ITPKB: variants seen among roughly 807,000 people sequenced by gnomAD.
ITPKB encodes inositol-trisphosphate 3-kinase B.
A neutral mutation model predicts 69.4 loss-of-function variants in ITPKB; 13 were observed. The observed-to-expected ratio is 0.19, with a 90% CI of 0.12 to 0.30. The LOEUF (loss-of-function observed/expected upper bound fraction) is 0.30, where lower values mean the gene tolerates loss of function less well. ITPKB is among the 10% of genes least tolerant of loss of function. ITPKB has a pLI of 1.00. For synonymous variants in ITPKB, 584 were observed against 513.7 expected, an observed-to-expected ratio of 1.14 and a Z score of -1.85; for missense variants, 1,240 against 1,250.5, an observed-to-expected ratio of 0.99 and a Z score of 0.13.
At position 226,637,857 on chromosome 1, in the gene ITPKB, A is replaced by G. The variant is rs966260332; in HGVS notation, c.2554-107T>C. 2.5e-6 allele frequency: 2 copies of G among 802,586 alleles called. No homozygotes were observed. The highest frequency in any genetic ancestry group is 3.4e-5 in the African/African-American group (2 of 58,398). The allele number at this position is 802,586 out of a possible 1,614,324, so 49.7% of individuals were successfully genotyped here. On this transcript the variant is annotated intron_variant, in intron 6 of 7. Coordinates refer to ENST00000429204, the MANE Select transcript of ITPKB (RefSeq NM_002221.4). This position sits in a 1 kb window ranked among gnomAD's most constrained non-coding sequence, Gnocchi z 4.3. ...CCCTCCCGTGAATGTGCTTTACCCTAAACGCCGGACATCTAGAGGCAGCTT... is the reference window on the plus strand; with the variant it reads ...CCCTCCCGTGAATGTGCTTTACCCTGAACGCCGGACATCTAGAGGCAGCTT...
At chr1:226,651,976 G>C (rs1035447305) in intron 2 of ITPKB, among the ~76,000 whole-genome samples, 5 of 152,218 alleles carry the variant, frequency 3.3e-5, no homozygotes, top group Non-Finnish European at 5.9e-5. Context: ...AGGCTGCTCT[G>C]CCTGGATGAG....
intron 2 of ITPKB, among the ~76,000 whole-genome samples, chr1:226,723,812 C>A (rs1202110232): frequency 6.6e-6 from 1 of 152,168 alleles, no homozygotes; most frequent in Non-Finnish European, 1.5e-5. Context: ...CACCTCTTGC[C>A]GGCAGCTGAA....
intron 2 of ITPKB, among the ~76,000 whole-genome samples, chr1:226,679,608 G>A (rs1034577394): frequency 1.3e-5 from 2 of 152,174 alleles, no homozygotes; most frequent in Non-Finnish European, 1.5e-5. Context: ...AAAGAAGAAA[G>A]ACGATAAAAG....
At chr1:226,654,539 C>CA (rs1315177063) in intron 2 of ITPKB, among the ~76,000 whole-genome samples, 1 of 152,222 alleles carries the variant, frequency 6.6e-6, no homozygotes, top group Non-Finnish European at 1.5e-5. Context: ...TCCTCCTGCT[C>CA]AACACACAGA....
intron 2 of ITPKB, among the ~76,000 whole-genome samples, chr1:226,666,892 G>A (rs369435488): frequency 1.3e-5 from 2 of 151,954 alleles, no homozygotes; most frequent in Admixed American, 6.6e-5. Flanking sequence ...AAGGGCTCTC[G>A]CCTCTCCCCA....
In ITPKB at chr1:226,736,586, G is replaced by A. The variant is rs771278268; in HGVS notation, c.873C>T (p.Pro291=). The A allele has an allele frequency of 5.0e-6, 8 of 1,613,788 alleles. No individual in the cohort carries two copies. The highest frequency in any genetic ancestry group is 6.8e-6 in the Non-Finnish European group (8 of 1,180,032). ...PTPGTRSCLA[P]SLGLFGASLT... Reference sequence around the variant, plus strand: ...AGCTAGCTCCGAACAGCCCCAATGAGGGAGCTAGGCAGCTCCGAGTTCCCG... The same window carrying A: ...AGCTAGCTCCGAACAGCCCCAATGAAGGAGCTAGGCAGCTCCGAGTTCCCG... Residue 291 remains proline, a synonymous_variant, in exon 2 of 8, where the codon CCC becomes CCT. Transcript: ENST00000429204.
At chr1:226,647,660 T>G (rs1420920870) in intron 3 of ITPKB, among the ~76,000 whole-genome samples, 1 of 152,234 alleles carries the variant, frequency 6.6e-6, no homozygotes, top group Non-Finnish European at 1.5e-5. Context: ...GGTGAGAGAC[T>G]GAGGTGCCAC....
rs183504225 is a variant in ITPKB at position 226,633,545 on chromosome 1, C to G, written c.*1126G>C. 1.3e-4 allele frequency: 20 copies of G among 152,304 alleles called. No homozygotes were observed. The highest frequency in any genetic ancestry group is 4.8e-4 in the African/African-American group (20 of 41,554). 9.4% of individuals were successfully genotyped at this position (152,304 alleles called of 1,614,324 possible). A position where few individuals can be genotyped will look rare whatever the true frequency, so the allele number is the denominator to read the frequency against. ...GCCTGGAGCACGCCCTGGCATCCAC[C>G]ACATACCCTACAAGATACCCACACT... On this transcript the variant is annotated 3_prime_UTR_variant, in exon 8 of 8. Transcript: ENST00000429204.
chr1:226,662,598 CA>C (rs1669421591), intron 2 of ITPKB, among the ~76,000 whole-genome samples: 1 of 152,112 alleles, frequency 6.6e-6, no homozygotes, highest in African/African-American at 2.4e-5. Flanking sequence ...TCTGGGAATG[CA>C]AAAAAGACCT....
chr1:226,677,289 G>A (rs1447146782), intron 2 of ITPKB, among the ~76,000 whole-genome samples: 1 of 152,250 alleles, frequency 6.6e-6, no homozygotes, highest in Non-Finnish European at 1.5e-5. Context: ...CTGCCTGGCA[G>A]ATTCACCCTT....
chr1:226,638,580 A>G (rs1668886681), intron 6 of ITPKB, among the ~76,000 whole-genome samples: 1 of 151,832 alleles, frequency 6.6e-6, no homozygotes, highest in Non-Finnish European at 1.5e-5. Context: ...ATATTCCCTG[A>G]CTCAGCTGGA....
chr1:226,737,030 C>T lies in ITPKB; in HGVS notation c.429G>A (p.Val143=), dbSNP rs1449213400. The T allele has an allele frequency of 1.2e-6, 2 of 1,612,574 alleles. No individual in the cohort carries two copies. The highest frequency in any genetic ancestry group is 3.3e-5 in the Admixed American group (2 of 60,016). The change falls in exon 2 of 8, where the codon GTG becomes GTA. Residue 143 remains valine, a synonymous_variant. Coordinates refer to ENST00000429204, the MANE Select transcript of ITPKB (RefSeq NM_002221.4). ...ILQRELQNVQ[V]NQKVGMFEAH... is the part of the protein sequence containing the mutation. ...CCTCAAACATGCCCACTTTCTGGTTCACCTGCACGTTCTGCAACTCGCGCT... is the reference window on the plus strand; with the variant it reads ...CCTCAAACATGCCCACTTTCTGGTTTACCTGCACGTTCTGCAACTCGCGCT...
chr1:226,664,856 T>C (rs543719307), intron 2 of ITPKB, among the ~76,000 whole-genome samples: 11 of 152,340 alleles, frequency 7.2e-5, no homozygotes, highest in African/African-American at 2.4e-4. Flanking sequence ...ATTTACACAG[T>C]GTGTGGCCAG....
At position 226,634,897 on chromosome 1, in the gene ITPKB, C is replaced by G; in HGVS notation, c.2626-11G>C. 1 of 1,605,366 alleles carries G rather than the reference C, an allele frequency of 6.2e-7. No individual in the cohort carries two copies. Among genetic ancestry groups the G allele is most frequent in the Non-Finnish European group, 8.5e-7 (1 of 1,173,934 alleles). ...GGAGCTGCCAATGACCTGAGGAGAA[C>G]ATGGGGGTGAAGGGTGAGCTGAAGC... On this transcript the variant is annotated splice_polypyrimidine_tract_variant and intron_variant, in intron 7 of 7. Coordinates refer to ENST00000429204, the MANE Select transcript of ITPKB (RefSeq NM_002221.4). The surrounding 1 kb of genome is among the most constrained non-coding windows in gnomAD (Gnocchi z 6.3).
chr1:226,650,448 C>T (rs770035242), intron 2 of ITPKB, among the ~76,000 whole-genome samples: 2 of 152,232 alleles, frequency 1.3e-5, no homozygotes, highest in Non-Finnish European at 2.9e-5. Flanking sequence ...TGATGGAGAT[C>T]GCCAAAGAAG....
intron 2 of ITPKB, among the ~76,000 whole-genome samples, chr1:226,691,137 T>C (rs764052862): frequency 5.9e-5 from 9 of 152,164 alleles, no homozygotes; most frequent in Middle Eastern, 3.4e-3. Context: ...TGGATGGTGG[T>C]GATGGCTGCG....
At chr1:226,685,582 C>T (rs1185103634) in intron 2 of ITPKB, among the ~76,000 whole-genome samples, 2 of 152,188 alleles carry the variant, frequency 1.3e-5, no homozygotes, top group African/African-American at 4.8e-5. Context: ...CCTGTCTGCA[C>T]CCACACGGCA....
chr1:226,703,244 G>C (rs1656710918), intron 2 of ITPKB, among the ~76,000 whole-genome samples: 1 of 152,212 alleles, frequency 6.6e-6, no homozygotes, highest in Non-Finnish European at 1.5e-5. Context: ...GAAAGACCGA[G>C]TGCTAGCACC....
At position 226,679,134 on chromosome 1, in the gene ITPKB, G is replaced by A. The variant is rs140329940; in HGVS notation, c.1933-30363C>T. 5.9e-5 allele frequency among the ~76,000 whole-genome samples: 9 copies of A among 152,240 alleles called. No individual in the cohort carries two copies. The East Asian group carries it at 1.5e-3, about 26-fold the overall frequency. On this transcript the variant is annotated intron_variant, in intron 2 of 7. Coordinates refer to ENST00000429204, the MANE Select transcript of ITPKB (RefSeq NM_002221.4). ...TGCCTCCCAGTATCTCTTCCTGCAG[G>A]TGTTTTGTTCCAATGGCTGACAGCG... is the stretch of plus-strand genomic sequence containing the variant.
Sources: gnomAD v4.1 joint callset for allele counts (sites outside exome capture counted in the v4.1 genomes callset) on GRCh38, gnomAD v4.1.1 for gene constraint, Gnocchi (gnomAD v3.1) non-coding constraint, MANE v1.5 for transcripts, NCBI Gene and HGNC (gene_info 2026-07-23, HGNC 2026-07-21) for gene names.